The following HP1BP3 variants were observed in gnomAD, a reference collection of about 807,000 sequenced individuals.
The protein encoded by HP1BP3 is heterochromatin protein 1-binding protein 3.
In HP1BP3, 12 loss-of-function variants were observed where a neutral mutation model predicts 62.5. That is an observed-to-expected ratio of 0.19 (90% CI 0.12 to 0.31). HP1BP3 has a LOEUF of 0.31. Ranked by LOEUF, HP1BP3 falls within the 10% of genes least tolerant of loss-of-function variation. HP1BP3 has a pLI of 1.00. For missense variants in HP1BP3, 502 were observed against 651.8 expected (o/e 0.77, Z 2.50); for synonymous variants, 260 against 237.8 (o/e 1.09, Z -0.86).
chr1:20,765,669 GCATTAAAAATACATATAAAAGCTGGGT>G, intron 7 of HP1BP3, 138 bp from the exon 8 acceptor site: 1 of 680,448 alleles, frequency 1.5e-6, no homozygotes, highest in Non-Finnish European at 2.5e-6. Flanking sequence ...TCAATGGACA[GCATTAAAAATACATATAAAAGCTGGGT>G]GTGGTGGCTC....
chr1:20,761,192 G>A (rs948000287), intron 8 of HP1BP3, among the ~76,000 whole-genome samples: 5 of 151,966 alleles, frequency 3.3e-5, no homozygotes, highest in South Asian at 2.1e-4. Context: ...CTACAGGCAC[G>A]TGCCACCATG....
At chr1:20,756,340 C>T (rs2056105771) in intron 9 of HP1BP3, among the ~76,000 whole-genome samples, 1 of 151,968 alleles carries the variant, frequency 6.6e-6, no homozygotes, top group Non-Finnish European at 1.5e-5. Flanking sequence ...TACTAGCTGT[C>T]TTCTGTTATG....
chr1:20,752,688 G>C (rs1165396326), intron 9 of HP1BP3, among the ~76,000 whole-genome samples: 1 of 152,062 alleles, frequency 6.6e-6, no homozygotes, highest in East Asian at 1.9e-4. Context: ...CAAAAATGTG[G>C]TTATTGTCTT....
At chr1:20,758,494 G>A (rs1046411677) in intron 8 of HP1BP3, among the ~76,000 whole-genome samples, 5 of 151,938 alleles carry the variant, frequency 3.3e-5, no homozygotes, top group Admixed American at 6.6e-5. Context: ...CTACAGGCGC[G>A]TGCCACCACG....
At chr1:20,749,007 G>C (rs190934631) in intron 10 of HP1BP3, among the ~76,000 whole-genome samples, 9 of 152,180 alleles carry the variant, frequency 5.9e-5, no homozygotes, top group African/African-American at 2.2e-4. Context: ...TCTGTTGTGG[G>C]GCTTAGGTTA....
At chr1:20,761,607 G>A (rs868233384) in intron 8 of HP1BP3, among the ~76,000 whole-genome samples, 17 of 152,214 alleles carry the variant, frequency 1.1e-4, no homozygotes, top group African/African-American at 4.1e-4. Context: ...CCGTATACAC[G>A]AATCTGAAGT....
At position 20,745,524 on chromosome 1, in the gene HP1BP3, G is replaced by A. The variant is rs750736254; in HGVS notation, c.1367+19C>T. On this transcript the variant is annotated intron_variant, in intron 12 of 12. Coordinates refer to ENST00000438032, the MANE Select transcript of HP1BP3 (RefSeq NM_001372052.1). ...GGTATTTAGTGTCCTCCCCACAAGGGGTTTTCACATGTCCACACCTTCTCT... is the reference window on the plus strand; with the variant it reads ...GGTATTTAGTGTCCTCCCCACAAGGAGTTTTCACATGTCCACACCTTCTCT... The A allele has an allele frequency of 6.2e-7, 1 of 1,612,932 alleles. No individual in the cohort carries two copies.
intron 8 of HP1BP3, among the ~76,000 whole-genome samples, chr1:20,758,954 GGA>G (rs937509840): frequency 2.6e-5 from 4 of 152,034 alleles, no homozygotes; most frequent in African/African-American, 9.7e-5. Flanking sequence ...CACCTGGCTG[GGA>G]GAGAGGTTTT....
chr1:20,752,298 GTCT>G (rs2055814871), intron 9 of HP1BP3, among the ~76,000 whole-genome samples: 1 of 151,510 alleles, frequency 6.6e-6, no homozygotes, highest in Non-Finnish European at 1.5e-5. Flanking sequence ...CTTTTTCACT[GTCT>G]TTTTTTTTTT....
chr1:20,769,928 G>A (rs1445520657), intron 6 of HP1BP3, among the ~76,000 whole-genome samples: 3 of 152,050 alleles, frequency 2.0e-5, no homozygotes. Flanking sequence ...ACAGGCAGGG[G>A]GTATAGAAAA....
At position 20,743,541 on chromosome 1, in the gene HP1BP3, T is replaced by C. The variant is rs1223912579; in HGVS notation, c.*1256A>G. On this transcript the variant is annotated 3_prime_UTR_variant, in exon 13 of 13. Transcript: ENST00000438032. Reference sequence around the variant, plus strand: ...AGCTGGGCGTGGTCGTGTGCGCCTGTAGGACCCAACTCAGGAGGCTGAGGT... The same window carrying C: ...AGCTGGGCGTGGTCGTGTGCGCCTGCAGGACCCAACTCAGGAGGCTGAGGT... 6.6e-5 allele frequency: 10 copies of C among 151,888 alleles called. No individual in the cohort carries two copies. The highest frequency in any genetic ancestry group is 6.6e-4 in the Admixed American group (10 of 15,222). The allele number at this position is 151,888 out of a possible 1,614,324, so 9.4% of individuals were successfully genotyped here.
At chr1:20,776,823 T>A in intron 3 of HP1BP3, 73 bp from the exon 4 acceptor site, 1 of 1,371,578 alleles carries the variant, frequency 7.3e-7, no homozygotes, top group East Asian at 2.5e-5. Context: ...TAAAAGCTTA[T>A]CTTATTAAAC....
rs1014059259 is a variant in HP1BP3, at chr1:20,741,522, C to G, written c.*3275G>C. On this transcript the variant is annotated 3_prime_UTR_variant, in exon 13 of 13. Coordinates refer to ENST00000438032, the MANE Select transcript of HP1BP3 (RefSeq NM_001372052.1). ...CATGATTAAAACATACACCTGTTTC[C>G]TAAGATTTATACAGGACCAGGTTTC... is the stretch of plus-strand genomic sequence containing the variant. 6.6e-6 allele frequency among the ~76,000 whole-genome samples: 1 copy of G among 152,206 alleles called. No individual in the cohort carries two copies. The highest frequency in any genetic ancestry group is 2.4e-5 in the African/African-American group (1 of 41,462).
chr1:20,783,769 C>CAA (rs1164930528), intron 1 of HP1BP3, among the ~76,000 whole-genome samples: 2,535 of 52,358 alleles, frequency 0.048, 193 homozygotes, highest in African/African-American at 0.084. Flanking sequence ...GACTCTGTCT[C>CAA]AAAAAAAAAA....
Position 20,765,501 on chromosome 1 carries a change from G to T in HP1BP3, c.766C>A (p.Gln256Lys). ...GGGAGGACATCCTCCAATTTTACTT[G>T]TGGTTCTGGATCCACTGCAGAGCTC... ...NRSSAVDPEP[Q>K]VKLEDVLPLA... The change falls in exon 8 of 13, where the codon CAA becomes AAA. Residue 256 changes from glutamine to lysine, a missense_variant. Gln to Lys is a moderately conservative substitution (Grantham distance 53). Around this residue, in one of 5 missense-constraint regions of HP1BP3, gnomAD observed 111 missense variants for 242.0 expected, o/e 0.46. Transcript: ENST00000438032. 2 of 1,613,612 alleles carry T rather than the reference G, an allele frequency of 1.2e-6. No homozygotes were observed. The highest frequency in any genetic ancestry group is 1.7e-6 in the Non-Finnish European group (2 of 1,179,674).
chr1:20,771,078 A>T lies in HP1BP3; in HGVS notation c.511-5T>A. On this transcript the variant is annotated splice_region_variant and splice_polypyrimidine_tract_variant and intron_variant, in intron 5 of 12. Coordinates refer to ENST00000438032, the MANE Select transcript of HP1BP3 (RefSeq NM_001372052.1). Reference sequence around the variant, plus strand: ...ACCACTCTTCTGGAAGCATGCCTAGAAAAGATTTATTAAACTAGTTGTTTT... The same window carrying T: ...ACCACTCTTCTGGAAGCATGCCTAGTAAAGATTTATTAAACTAGTTGTTTT... 6.3e-7 allele frequency: 1 copy of T among 1,591,680 alleles called. No individual in the cohort carries two copies. Among genetic ancestry groups the T allele is most frequent in the East Asian group, 2.3e-5 (1 of 44,292 alleles).
intron 8 of HP1BP3, among the ~76,000 whole-genome samples, chr1:20,762,619 A>T (rs2056550444): frequency 6.6e-6 from 1 of 152,180 alleles, no homozygotes; most frequent in Non-Finnish European, 1.5e-5. Flanking sequence ...CCTTTGAAAA[A>T]GCTAATCAGA....
Position 20,757,369 on chromosome 1 carries a change from ATTATTT to A in HP1BP3, c.891-119_891-114del, listed in dbSNP as rs374501705. The A allele has an allele frequency of 1.5e-3, 589 of 400,706 alleles. 3 individuals are homozygous for A. In the African/African-American group the frequency reaches 0.015, roughly 10 times the overall value. 24.8% of individuals were successfully genotyped at this position (400,706 alleles called of 1,614,324 possible). On this transcript the variant is annotated intron_variant, in intron 8 of 12. Coordinates refer to ENST00000438032, the MANE Select transcript of HP1BP3 (RefSeq NM_001372052.1). ...TAGAGTTCTGATTACTATTATTATTATTATTTTTTTTTTTTTTTTGAGGTGGAGTTT... is the reference window on the plus strand; with the variant it reads ...TAGAGTTCTGATTACTATTATTATTATTTTTTTTTTTTTGAGGTGGAGTTT...
At chr1:20,765,164 T>C (rs1570619790) in intron 8 of HP1BP3, among the ~76,000 whole-genome samples, 1 of 116,642 alleles carries the variant, frequency 8.6e-6, no homozygotes, top group Non-Finnish European at 1.8e-5. Context: ...AACAAATCTG[T>C]CTCAAAAAAC....
Sources: gnomAD v4.1 joint callset for allele counts (sites outside exome capture counted in the v4.1 genomes callset) on GRCh38, gnomAD v4.1.1 for gene constraint, gnomAD v4.1.1 regional missense constraint, MANE v1.5 for transcripts, NCBI Gene and HGNC (gene_info 2026-07-23, HGNC 2026-07-21) for gene names.